The following IRF2 variants were observed in gnomAD, a reference collection of about 807,000 sequenced individuals.
The protein encoded by IRF2 is interferon regulatory factor 2.
In IRF2, 15 loss-of-function variants were observed where a neutral mutation model predicts 40.6. The ratio of observed to expected loss-of-function variants is 0.37; its 90% CI spans 0.25 to 0.57. The LOEUF is 0.57. IRF2 is among the 20% of genes least tolerant of loss of function. The pLI, the probability that IRF2 is intolerant of heterozygous loss-of-function variation, is 0.77. For missense variants in IRF2, 317 were observed against 455.7 expected, an observed-to-expected ratio of 0.70 and a Z score of 2.77; for synonymous variants, 151 against 165.5, an observed-to-expected ratio of 0.91 and a Z score of 0.67.
chr4:184,460,535 A>G (rs1175661170), intron 1 of IRF2, among the ~76,000 whole-genome samples: 3 of 152,146 alleles, frequency 2.0e-5, no homozygotes, highest in African/African-American at 7.2e-5. Context: ...TGAATTCCCT[A>G]CTTGCTGCCA....
At chr4:184,418,480 G>A in intron 4 of IRF2, 52 bp downstream of exon 4, 2 of 1,516,376 alleles carry the variant, frequency 1.3e-6, no homozygotes, top group African/African-American at 1.4e-5. Context: ...AGATCACGAA[G>A]GCACGATGAC....
At position 184,432,299 on chromosome 4, in the gene IRF2, G is replaced by T. The variant is rs1737914293; in HGVS notation, c.-6-3229C>A. Among the ~76,000 whole-genome samples, 4 of 152,346 alleles carry T rather than the reference G, an allele frequency of 2.6e-5. No homozygotes were observed. In the South Asian group the frequency reaches 6.2e-4, roughly 24 times the overall value. On this transcript the variant is annotated intron_variant, in intron 1 of 8. Transcript: ENST00000393593. The stretch of plus-strand genomic sequence containing the variant: ...ATGCACGTGTTCCCAGCTGAGGCTG[G>T]ACAAGGCCACACTCTGCCTTCCCGC...
chr4:184,423,972 A>T (rs557165353), intron 2 of IRF2, among the ~76,000 whole-genome samples: 1 of 152,230 alleles, frequency 6.6e-6, no homozygotes, highest in Admixed American at 6.5e-5. Flanking sequence ...TCCAATTAAC[A>T]ATGGTATATT....
At chr4:184,445,327 T>G (rs1329282432) in intron 1 of IRF2, among the ~76,000 whole-genome samples, 1 of 152,174 alleles carries the variant, frequency 6.6e-6, no homozygotes, top group Non-Finnish European at 1.5e-5. Context: ...ACTGTCCTGA[T>G]GTCAGCAGGG....
intron 6 of IRF2, among the ~76,000 whole-genome samples, chr4:184,406,627 C>A (rs1445292835): frequency 2.0e-5 from 3 of 152,134 alleles, no homozygotes; most frequent in African/African-American, 7.2e-5. Context: ...GAGATGAAGA[C>A]CCAGGGTTCC....
At position 184,413,758 on chromosome 4, in the gene IRF2, T is replaced by C. The variant is rs1026850000; in HGVS notation, c.411+4409A>G. 6.6e-6 allele frequency among the ~76,000 whole-genome samples: 1 copy of C among 152,246 alleles called. No homozygotes were observed. The highest frequency in any genetic ancestry group is 1.9e-4 in the East Asian group (1 of 5,200). ...CGGAAGCACTTTACAGTTTCAAGCA[T>C]GTATGTTTCAGCTGCAAACAACCCT... On this transcript the variant is annotated intron_variant, in intron 5 of 8. Transcript: ENST00000393593. This position sits in a 1 kb window ranked among gnomAD's most constrained non-coding sequence, Gnocchi z 4.2.
chr4:184,411,245 G>A (rs1370094681), intron 5 of IRF2, among the ~76,000 whole-genome samples: 15 of 152,072 alleles, frequency 9.9e-5, no homozygotes, highest in Admixed American at 9.8e-4. Flanking sequence ...TTTTAGTAGA[G>A]ATGGGGTTTC....
chr4:184,392,841 C>A (rs72701787), intron 7 of IRF2, among the ~76,000 whole-genome samples: 5,159 of 152,198 alleles, frequency 0.034, 101 homozygotes, highest in Non-Finnish European at 0.042. Flanking sequence ...TGAGTGATCG[C>A]GGTGGGCTGG....
At chr4:184,429,852 C>T (rs1038826361) in intron 1 of IRF2, among the ~76,000 whole-genome samples, 2 of 152,192 alleles carry the variant, frequency 1.3e-5, no homozygotes. Context: ...TTCCAGATTC[C>T]TTTCTAAGAT....
chr4:184,400,176 G>T (rs1044368477), intron 6 of IRF2, among the ~76,000 whole-genome samples: 2 of 152,114 alleles, frequency 1.3e-5, no homozygotes, highest in Non-Finnish European at 2.9e-5. Flanking sequence ...TCTCTCTCAC[G>T]TTACTCTTTG....
rs3775574 is a variant in IRF2 at position 184,448,912 on chromosome 4, G to A, written c.-6-19842C>T. 0.47 allele frequency: 71,654 copies of A among 152,014 alleles called. 20,061 individuals are homozygous for A. Among genetic ancestry groups the A allele is most frequent in the Non-Finnish European group, 0.61 (41,383 of 67,978 alleles). 9.4% of individuals were successfully genotyped at this position (152,014 alleles called of 1,614,324 possible). The stretch of plus-strand genomic sequence containing the variant: ...TTGCTTTTTGTTTCTTGTTTACAAC[G>A]TTTCCTCGACGTGTGCAAGACGGAA... On this transcript the variant is annotated intron_variant, in intron 1 of 8. Coordinates refer to ENST00000393593, the MANE Select transcript of IRF2 (RefSeq NM_002199.4). The surrounding 1 kb of genome is among the most constrained non-coding windows in gnomAD (Gnocchi z 4.3).
chr4:184,458,446 G>A (rs1739022920), intron 1 of IRF2, among the ~76,000 whole-genome samples: 1 of 152,206 alleles, frequency 6.6e-6, no homozygotes, highest in South Asian at 2.1e-4. Flanking sequence ...TCTGCTGAAG[G>A]AATGACTTCC....
chr4:184,398,928 C>T lies in IRF2; in HGVS notation c.681G>A (p.Val227=), dbSNP rs1258323354. 1.2e-6 allele frequency: 2 copies of T among 1,606,812 alleles called. No homozygotes were observed. Among genetic ancestry groups the T allele is most frequent in the Non-Finnish European group, 8.5e-7 (1 of 1,177,088 alleles). ...GCTGACGCTTACCTGCATAGGAAGA[C>T]ACGGGGGAGATCTGCAGAGGGTAGA... is the stretch of plus-strand genomic sequence containing the variant. ...SELYPLQISP[V]SSYAESETTD... Residue 227 remains valine, a synonymous_variant, in exon 7 of 9, where the codon GTG becomes GTA. Transcript: ENST00000393593.
chr4:184,436,496 T>C (rs1738083731), intron 1 of IRF2, among the ~76,000 whole-genome samples: 1 of 152,182 alleles, frequency 6.6e-6, no homozygotes, highest in Non-Finnish European at 1.5e-5. Flanking sequence ...GACTATGCAA[T>C]AAAGATCAGA....
chr4:184,446,670 A>G (rs762473665), intron 1 of IRF2, among the ~76,000 whole-genome samples: 1 of 152,206 alleles, frequency 6.6e-6, no homozygotes, highest in African/African-American at 2.4e-5. Flanking sequence ...GCTTTTTCAT[A>G]TATCTCAATA....
chr4:184,469,420 T>A (rs1418051095), intron 1 of IRF2, among the ~76,000 whole-genome samples: 1 of 152,236 alleles, frequency 6.6e-6, no homozygotes, highest in African/African-American at 2.4e-5. Flanking sequence ...CTCACGCCTA[T>A]AATCCCAGCA....
intron 1 of IRF2, among the ~76,000 whole-genome samples, chr4:184,473,012 T>C (rs905968405): frequency 6.6e-6 from 1 of 152,036 alleles, no homozygotes; most frequent in South Asian, 2.1e-4. Flanking sequence ...CCCTTGGAAC[T>C]TGGAACGGCT....
rs1417567347 is a variant in IRF2 at position 184,408,075 on chromosome 4, T to C, written c.529+83A>G. 1 of 767,646 alleles carries C rather than the reference T, an allele frequency of 1.3e-6. No homozygotes were observed. Among genetic ancestry groups the C allele is most frequent in the Non-Finnish European group, 2.3e-6 (1 of 436,064 alleles). The allele number at this position is 767,646 out of a possible 1,614,324, so 47.6% of individuals were successfully genotyped here. A position where few individuals can be genotyped will look rare whatever the true frequency, so the allele number is the denominator to read the frequency against. ...CAAGACCTCCTCCCACTGACTATGT[T>C]ATTTGAAGTTCTCTGTTTTACAAAT... On this transcript the variant is annotated intron_variant, in intron 6 of 8. Transcript: ENST00000393593. The surrounding 1 kb of genome is among the most constrained non-coding windows in gnomAD (Gnocchi z 4.9).
At chr4:184,417,648 A>G (rs1737328307) in intron 5 of IRF2, among the ~76,000 whole-genome samples, 1 of 152,226 alleles carries the variant, frequency 6.6e-6, no homozygotes, top group East Asian at 1.9e-4. Flanking sequence ...GTGAGAGATG[A>G]TTCTACAGTG....
Sources: allele counts gnomAD v4.1 joint callset (sites outside exome capture counted in the v4.1 genomes callset), GRCh38; gene constraint gnomAD v4.1.1; non-coding constraint Gnocchi (gnomAD v3.1); transcripts MANE v1.5; gene names NCBI Gene and HGNC (gene_info 2026-07-23, HGNC 2026-07-21).